The following PHACTR3 variants were observed in gnomAD, a reference collection of about 807,000 sequenced individuals.
PHACTR3 encodes protein phosphatase 1, regulatory subunit 123.
A neutral mutation model predicts 66.8 loss-of-function variants in PHACTR3; 16 were observed. The observed-to-expected ratio is 0.24, with a 90% CI of 0.16 to 0.36. The LOEUF (loss-of-function observed/expected upper bound fraction) is 0.36, where lower values mean the gene tolerates loss of function less well. PHACTR3 is among the 10% of genes least tolerant of loss of function. The pLI is 1.00. For synonymous variants in PHACTR3, 323 were observed against 292.1 expected, an observed-to-expected ratio of 1.11 and a Z score of -1.08; for missense variants, 647 against 719.9, an observed-to-expected ratio of 0.90 and a Z score of 1.16.
At chr20:59,762,957 T>C (rs2040046099) in intron 4 of PHACTR3, among the ~76,000 whole-genome samples, 1 of 152,222 alleles carries the variant, frequency 6.6e-6, no homozygotes, top group African/African-American at 2.4e-5. Flanking sequence ...GCATCTGGTC[T>C]GGCTGGACAG....
rs117793770 is a variant in PHACTR3, at chr20:59,759,792, G to A, written c.541+4428G>A. Among the ~76,000 whole-genome samples, 998 of 152,276 alleles carry A rather than the reference G, an allele frequency of 6.6e-3. 4 individuals carry two copies. Among genetic ancestry groups the A allele is most frequent in the Non-Finnish European group, 0.011 (733 of 68,024 alleles). ...TGGGCCCAGTCGCTCTGTGTTGTGG[G>A]TAATTCCATGACAGACAGATGTCAT... On this transcript the variant is annotated intron_variant, in intron 4 of 12. Coordinates refer to ENST00000371015, the MANE Select transcript of PHACTR3 (RefSeq NM_080672.5).
At chr20:59,651,944 C>G (rs780900793) in intron 1 of PHACTR3, among the ~76,000 whole-genome samples, 14 of 152,058 alleles carry the variant, frequency 9.2e-5, no homozygotes, top group Non-Finnish European at 1.8e-4. Context: ...GGAATTGACT[C>G]AAGTGATTAT....
At chr20:59,790,474 A>G (rs1325849768) in intron 7 of PHACTR3, among the ~76,000 whole-genome samples, 1 of 152,250 alleles carries the variant, frequency 6.6e-6, no homozygotes, top group Non-Finnish European at 1.5e-5. Context: ...AGAGAAATGC[A>G]GGAATGAGGA....
At chr20:59,735,960 CAT>C (rs927615825) in intron 1 of PHACTR3, among the ~76,000 whole-genome samples, 2 of 152,116 alleles carry the variant, frequency 1.3e-5, no homozygotes, top group African/African-American at 4.8e-5. Flanking sequence ...GTTCTTGCCT[CAT>C]AGCTCTGTGT....
intron 7 of PHACTR3, among the ~76,000 whole-genome samples, chr20:59,777,743 CTG>C (rs1259579611): frequency 4.6e-5 from 7 of 152,192 alleles, no homozygotes; most frequent in Admixed American, 3.3e-4. Flanking sequence ...TGGTATCTGT[CTG>C]TGTCCCGTGG....
In PHACTR3 at chr20:59,687,238, ATGG is replaced by A. The variant is rs368267071; in HGVS notation, c.119-55860_119-55858del. ...GGTGATGATGACGATGGTGATTGTG[ATGG>A]TGGTGGTGATAGTGGTGATGATGGT... On this transcript the variant is annotated intron_variant, in intron 1 of 12. Coordinates refer to ENST00000371015, the MANE Select transcript of PHACTR3 (RefSeq NM_080672.5). Among the ~76,000 whole-genome samples, 295 of 151,620 alleles carry A rather than the reference ATGG, an allele frequency of 1.9e-3. 2 individuals carry two copies. The highest frequency in any genetic ancestry group is 6.9e-3 in the African/African-American group (283 of 41,278).
chr20:59,767,121 C>T, intron 4 of PHACTR3, 65 bp from the exon 5 acceptor site: 3 of 1,542,582 alleles, frequency 1.9e-6, no homozygotes, highest in Non-Finnish European at 2.7e-6. Context: ...TCTTGCTTTG[C>T]TCTCTTACTT....
chr20:59,723,112 T>C (rs2038409156), intron 1 of PHACTR3, among the ~76,000 whole-genome samples: 1 of 143,644 alleles, frequency 7.0e-6, no homozygotes, highest in Admixed American at 7.1e-5. Flanking sequence ...CTTTCTTTCT[T>C]TCTTTCTTCA....
intron 7 of PHACTR3, among the ~76,000 whole-genome samples, chr20:59,777,652 C>T (rs1323043853): frequency 6.6e-6 from 1 of 152,210 alleles, no homozygotes; most frequent in African/African-American, 2.4e-5. Context: ...TAATTCTTGT[C>T]ATTCTCTATT....
intron 1 of PHACTR3, among the ~76,000 whole-genome samples, chr20:59,662,987 G>A (rs1472009474): frequency 6.6e-6 from 1 of 152,244 alleles, no homozygotes; most frequent in African/African-American, 2.4e-5. Flanking sequence ...GAGGTCTGAA[G>A]TCAAGGCATC....
intron 2 of PHACTR3, among the ~76,000 whole-genome samples, chr20:59,744,480 G>T (rs1025422868): frequency 5.3e-5 from 8 of 152,202 alleles, no homozygotes; most frequent in Non-Finnish European, 8.8e-5. Context: ...GCGAGTGCCC[G>T]TCTCAGGCTG....
intron 1 of PHACTR3, among the ~76,000 whole-genome samples, chr20:59,611,839 G>A (rs541955652): frequency 1.3e-5 from 2 of 152,316 alleles, no homozygotes; most frequent in African/African-American, 4.8e-5. Flanking sequence ...GTAATTTTGG[G>A]ATAGCACACT....
intron 7 of PHACTR3, among the ~76,000 whole-genome samples, chr20:59,800,426 T>C (rs1317658698): frequency 6.6e-6 from 1 of 152,214 alleles, no homozygotes; most frequent in Non-Finnish European, 1.5e-5. Flanking sequence ...TTTCCAAGTA[T>C]GGAATTCCGA....
chr20:59,616,391 T>A (rs900491106), intron 1 of PHACTR3, among the ~76,000 whole-genome samples: 1 of 152,176 alleles, frequency 6.6e-6, no homozygotes, highest in African/African-American at 2.4e-5. Flanking sequence ...CCTTTGGGCC[T>A]CAAGATGCAG....
chr20:59,714,392 C>A (rs1163270929), intron 1 of PHACTR3, among the ~76,000 whole-genome samples: 2 of 152,176 alleles, frequency 1.3e-5, no homozygotes, highest in Non-Finnish European at 2.9e-5. Flanking sequence ...GATCAGGAAT[C>A]AATTTTCCCA....
Position 59,595,612 on chromosome 20 carries a change from G to A in PHACTR3, c.109+17995G>A, listed in dbSNP as rs143289623. Among the ~76,000 whole-genome samples the A allele has an allele frequency of 3.6e-3, 543 of 152,276 alleles. 12 individuals are homozygous for A. Among genetic ancestry groups the A allele is most frequent in the Admixed American group, 0.032 (489 of 15,306 alleles). The stretch of plus-strand genomic sequence containing the variant: ...CTGTTACATCCAGTTGATTGATGGT[G>A]CTGTTGAGTTCAACTCTGTCGTTAC... On this transcript the variant is annotated intron_variant, in intron 1 of 12. Coordinates refer to the PHACTR3 transcript ENST00000359926.
At chr20:59,729,841 A>G (rs1309387066) in intron 1 of PHACTR3, among the ~76,000 whole-genome samples, 1 of 152,208 alleles carries the variant, frequency 6.6e-6, no homozygotes, top group Non-Finnish European at 1.5e-5. Context: ...AGTTCCAGAC[A>G]TTCAAGCATG....
chr20:59,644,709 A>G (rs6123924), intron 1 of PHACTR3, among the ~76,000 whole-genome samples: 34,826 of 152,086 alleles, frequency 0.23, 4,848 homozygotes, highest in East Asian at 0.54. Context: ...TGCTCCAGGC[A>G]CAGGCTGCAC....
intron 5 of PHACTR3, among the ~76,000 whole-genome samples, chr20:59,767,885 A>G (rs1381449141): frequency 1.5e-5 from 2 of 132,382 alleles, no homozygotes; most frequent in East Asian, 2.2e-4. Flanking sequence ...GTTCCATTCC[A>G]TTCTTTCTGG....
Sources: allele counts gnomAD v4.1 joint callset (sites outside exome capture counted in the v4.1 genomes callset), GRCh38; gene constraint gnomAD v4.1.1; transcripts MANE v1.5; gene names NCBI Gene and HGNC (gene_info 2026-07-23, HGNC 2026-07-21).